Variants in DMD observed in about 807,000 individuals in gnomAD.
The protein encoded by DMD is dystrophin.
A neutral mutation model predicts 330.1 loss-of-function variants in DMD; 63 were observed. The ratio of observed to expected loss-of-function variants is 0.19; its 90% CI spans 0.16 to 0.24. DMD has a LOEUF of 0.24. Ranked by LOEUF, DMD falls within the 10% of genes least tolerant of loss-of-function variation. The pLI is 1.00. For synonymous variants in DMD, 1,223 were observed against 959.8 expected, an observed-to-expected ratio of 1.27 and a Z score of -5.07; for missense variants, 3,344 against 2,684.1, an observed-to-expected ratio of 1.25 and a Z score of -5.43.
intron 54 of DMD, among the ~76,000 whole-genome samples, chrX:31,645,809 G>C (rs1484576044): frequency 8.9e-6 from 1 of 111,979 alleles, no homozygotes; most frequent in Admixed American, 9.5e-5. Flanking sequence ...CACATACTTT[G>C]TTGATTCACC....
intron 1 of DMD, among the ~76,000 whole-genome samples, chrX:33,205,157 G>T (rs752388984): frequency 9.8e-5 from 11 of 112,551 alleles, no homozygotes; most frequent in Admixed American, 8.5e-4. Context: ...GCTCTTTAAA[G>T]TCTAATTTCC....
At chrX:33,301,868 G>GT (rs1209787723) in intron 1 of DMD, among the ~76,000 whole-genome samples, 1 of 111,623 alleles carries the variant, frequency 9.0e-6, no homozygotes, top group Non-Finnish European at 1.9e-5. Flanking sequence ...TGGCAATTAA[G>GT]TTTCAACATA....
intron 52 of DMD, among the ~76,000 whole-genome samples, chrX:31,725,129 G>A (rs185341320): frequency 1.8e-4 from 20 of 111,280 alleles, no homozygotes; most frequent in Admixed American, 1.3e-3. Context: ...TCATATAGAC[G>A]TGGGCTTGAA....
chrX:32,963,068 C>A (rs1202259695), intron 2 of DMD, among the ~76,000 whole-genome samples: 1 of 111,566 alleles, frequency 9.0e-6, no homozygotes, highest in Non-Finnish European at 1.9e-5. Context: ...GACAATCATA[C>A]CACTCTATTC....
intron 2 of DMD, among the ~76,000 whole-genome samples, chrX:32,868,946 G>C (rs2082733448): frequency 8.9e-6 from 1 of 111,762 alleles, no homozygotes; most frequent in Non-Finnish European, 1.9e-5. Flanking sequence ...ACCCTGACTG[G>C]GTGAGACCCA....
chrX:32,852,647 T>C (rs1020978770), intron 2 of DMD, among the ~76,000 whole-genome samples: 1 of 107,737 alleles, frequency 9.3e-6, no homozygotes, highest in African/African-American at 3.4e-5. Context: ...ACCTGGGGCC[T>C]GAGGAGAACC....
chrX:32,844,770 G>C lies in DMD; in HGVS notation c.264+13C>G. On this transcript the variant is annotated intron_variant, in intron 4 of 78. Coordinates refer to ENST00000357033, the MANE Select transcript of DMD (RefSeq NM_004006.3). ...TGTCACAGCATCCAGACCTTGTCCA[G>C]GGTACTACTTACATTATTGTTCTGC... is the stretch of plus-strand genomic sequence containing the variant. The C allele has an allele frequency of 2.5e-6, 3 of 1,201,045 alleles. No individual in the cohort carries two copies. In the South Asian group the frequency reaches 5.3e-5, roughly 21 times the overall value.
intron 4 of DMD, among the ~76,000 whole-genome samples, chrX:32,837,344 T>G (rs2079741923): frequency 8.9e-6 from 1 of 111,733 alleles, no homozygotes; most frequent in Admixed American, 9.5e-5. Flanking sequence ...GGCAAAACAC[T>G]GGAGGATTCT....
At chrX:31,795,469 G>A (rs73461862) in intron 50 of DMD, among the ~76,000 whole-genome samples, 1,705 of 111,610 alleles carry the variant, frequency 0.015, 42 homozygotes, top group African/African-American at 0.053. Flanking sequence ...TTGGAACCTG[G>A]AGGGCAACTA....
chrX:32,773,518 T>TTTA (rs1485367055), intron 7 of DMD, among the ~76,000 whole-genome samples: 1 of 6,915 alleles, frequency 1.4e-4, no homozygotes, highest in Middle Eastern at 0.12. Context: ...TACTTTTTAT[T>TTTA]TTTTTTTTTT....
intron 2 of DMD, among the ~76,000 whole-genome samples, chrX:32,929,453 T>G (rs2146672619): frequency 9.0e-6 from 1 of 110,925 alleles, no homozygotes; most frequent in East Asian, 2.9e-4. Flanking sequence ...TCACTGTTCC[T>G]CTGGTTTCTC....
At chrX:32,562,223 A>G (rs2051102466) in intron 16 of DMD, among the ~76,000 whole-genome samples, 2 of 112,194 alleles carry the variant, frequency 1.8e-5, no homozygotes, top group South Asian at 7.4e-4. Context: ...CATTTAGAAA[A>G]AAAGTATTTT....
chrX:32,127,998 T>TC (rs1413202074), intron 44 of DMD, among the ~76,000 whole-genome samples: 1 of 112,190 alleles, frequency 8.9e-6, no homozygotes, highest in East Asian at 2.8e-4. Flanking sequence ...ACAAAGACCA[T>TC]CCATTTTCTT....
At chrX:31,712,428 T>C (rs1209165678) in intron 52 of DMD, among the ~76,000 whole-genome samples, 1 of 112,036 alleles carries the variant, frequency 8.9e-6, no homozygotes, top group Non-Finnish European at 1.9e-5. Context: ...TTGATAATCC[T>C]TAAGAGGTAA....
At chrX:32,813,844 A>AT (rs1252797399) in intron 6 of DMD, among the ~76,000 whole-genome samples, 4 of 112,043 alleles carry the variant, frequency 3.6e-5, no homozygotes, top group African/African-American at 1.3e-4. Context: ...TACTCATACC[A>AT]TTTAATGTAA....
intron 43 of DMD, among the ~76,000 whole-genome samples, chrX:32,257,228 A>G (rs1385392524): frequency 3.6e-5 from 4 of 112,196 alleles, no homozygotes; most frequent in Non-Finnish European, 7.5e-5. Flanking sequence ...TGGAGTGAAA[A>G]TGGCCATACT....
intron 52 of DMD, among the ~76,000 whole-genome samples, chrX:31,714,608 C>T (rs781363239): frequency 5.4e-5 from 6 of 110,997 alleles, no homozygotes; most frequent in Admixed American, 9.6e-5. Flanking sequence ...ATGAAATTTT[C>T]AATTGGAAAT....
rs1011447190 is a variant in DMD at position 32,495,338 on chromosome X, C to T, written c.2381-3820G>A. On this transcript the variant is annotated intron_variant, in intron 19 of 78. Coordinates refer to ENST00000357033, the MANE Select transcript of DMD (RefSeq NM_004006.3). ...ACTGTACTCATGAACTCATTCAATA[C>T]CAAATCAATAGTGTACTCTATATGA... is the stretch of plus-strand genomic sequence containing the variant. 2.7e-5 allele frequency among the ~76,000 whole-genome samples: 3 copies of T among 111,583 alleles called. No individual in the cohort carries two copies. In the South Asian group the frequency reaches 1.1e-3, roughly 41 times the overall value.
At chrX:33,009,709 T>C (rs776535159) in intron 2 of DMD, among the ~76,000 whole-genome samples, 2 of 66,154 alleles carry the variant, frequency 3.0e-5, no homozygotes, top group African/African-American at 1.1e-4. Context: ...TGTATACGTA[T>C]ATGTGTATAT....
Sources: gnomAD v4.1 joint callset for allele counts (sites outside exome capture counted in the v4.1 genomes callset) on GRCh38, gnomAD v4.1.1 for gene constraint, MANE v1.5 for transcripts, NCBI Gene and HGNC (gene_info 2026-07-23, HGNC 2026-07-21) for gene names.